EGF: variants seen among roughly 807,000 people sequenced by gnomAD.
EGF encodes the protein epidermal growth factor.
A neutral mutation model predicts 143.8 loss-of-function variants in EGF; 95 were observed. That is an observed-to-expected ratio of 0.66 (90% CI 0.56 to 0.78). The LOEUF (loss-of-function observed/expected upper bound fraction) is 0.78. Among genes scored for constraint, EGF ranks in the 30% least tolerant of loss-of-function variants. The probability of loss-of-function intolerance (pLI) is 0.00; values close to 1 mark genes in which losing one functional copy is unlikely to be tolerated. For synonymous variants in EGF, 510 were observed against 510.5 expected (o/e 1.00, Z 0.01); for missense variants, 1,320 against 1,470.9 (o/e 0.90, Z 1.68).
chr4:109,994,621 G>T (rs1325266104), intron 19 of EGF, 112 bp from the exon 20 acceptor site: 2 of 1,256,232 alleles, frequency 1.6e-6, no homozygotes, highest in Non-Finnish European at 2.3e-6. Context: ...TAGTTCTTCT[G>T]TCACTAAAAG....
At chr4:109,973,272 G>T (rs550993874) in intron 11 of EGF, among the ~76,000 whole-genome samples, 2 of 151,982 alleles carry the variant, frequency 1.3e-5, no homozygotes, top group Non-Finnish European at 2.9e-5. Context: ...TGCCTGCCTC[G>T]CCCTTTCACA....
intron 1 of EGF, among the ~76,000 whole-genome samples, chr4:109,934,973 T>C (rs1740495336): frequency 6.6e-6 from 1 of 152,114 alleles, no homozygotes; most frequent in Admixed American, 6.6e-5. Flanking sequence ...AGCCTTGTAG[T>C]GTATTTTGAA....
chr4:109,940,159 C>T (rs189684613), intron 1 of EGF, among the ~76,000 whole-genome samples: 29 of 152,222 alleles, frequency 1.9e-4, no homozygotes, highest in Non-Finnish European at 3.8e-4. Flanking sequence ...GTGGCCATCA[C>T]CTAGAACAGG....
rs140319442 is a variant in EGF, at chr4:109,994,815, C to T, written c.2940C>T (p.His980=). ...RNSDSECPLS[H]DGYCLHDGVC... is the part of the protein sequence containing the mutation. ...GTGACTCTGAATGTCCCCTGTCCCA[C>T]GATGGGTACTGCCTCCATGATGGTG... The change falls in exon 20 of 24, where the codon CAC becomes CAT. Residue 980 remains histidine (H), a synonymous_variant. Transcript: ENST00000265171. 6.8e-5 allele frequency: 109 copies of T among 1,614,146 alleles called. 1 individual carries two copies. In the African/African-American group the frequency reaches 9.5e-4, roughly 14 times the overall value.
At chr4:109,999,989 T>A in intron 21 of EGF, 143 bp downstream of exon 21, 1 of 1,269,806 alleles carries the variant, frequency 7.9e-7, no homozygotes. Context: ...CAGTGACCCA[T>A]GCCTGCAATC....
chr4:110,011,656 A>C lies in EGF; in HGVS notation c.*201A>C, dbSNP rs539507877. Reference sequence around the variant, plus strand: ...CTCACTGCAGTCTTATTTCCAAGTAAGAGTACTGGGAGAATCACTAGGTAA... The same window carrying C: ...CTCACTGCAGTCTTATTTCCAAGTACGAGTACTGGGAGAATCACTAGGTAA... On this transcript the variant is annotated 3_prime_UTR_variant, in exon 24 of 24. Transcript: ENST00000265171. The C allele has an allele frequency of 4.0e-5, 31 of 778,076 alleles. No individual in the cohort carries two copies. In the Admixed American group the frequency reaches 8.5e-4, roughly 21 times the overall value. The allele number at this position is 778,076 out of a possible 1,614,324, so 48.2% of individuals were successfully genotyped here.
Position 109,925,223 on chromosome 4 carries a change from C to A in EGF, c.127+11761C>A, listed in dbSNP as rs2298980. 0.013 allele frequency among the ~76,000 whole-genome samples: 1,991 copies of A among 152,226 alleles called. 210 individuals carry two copies. The East Asian group carries it at 0.23, about 18-fold the overall frequency. On this transcript the variant is annotated intron_variant, in intron 1 of 23. Transcript: ENST00000265171. ...AAATAATACATGAAAAACCACATGA[C>A]AACAAATTAAAATGTGTTCCTTTGT...
intron 16 of EGF, among the ~76,000 whole-genome samples, 155 bp downstream of exon 16, chr4:109,983,696 G>T (rs1749719435): frequency 6.6e-6 from 1 of 152,190 alleles, no homozygotes; most frequent in African/African-American, 2.4e-5. Context: ...TCTTCTGAAT[G>T]ATGTGCCTGA....
intron 1 of EGF, among the ~76,000 whole-genome samples, chr4:109,926,993 C>T (rs1006039930): frequency 4.6e-5 from 7 of 152,126 alleles, no homozygotes; most frequent in Non-Finnish European, 8.8e-5. Flanking sequence ...GCTTTCTAAG[C>T]TATTTTAAAA....
In EGF at chr4:109,983,652, G is replaced by A. The variant is rs557488484; in HGVS notation, c.2491+111G>A. ...TAATATTGCCTAAGTTCTACACAAG[G>A]CTAATGAAACCAAACCTTGGACTCA... On this transcript the variant is annotated intron_variant, in intron 16 of 23. Coordinates refer to ENST00000265171, the MANE Select transcript of EGF (RefSeq NM_001963.6). 2.8e-5 allele frequency: 42 copies of A among 1,484,266 alleles called. 1 individual carries two copies. The East Asian group carries it at 9.2e-4, about 33-fold the overall frequency. The allele number at this position is 1,484,266 out of a possible 1,614,324, so 91.9% of individuals were successfully genotyped here.
At position 109,912,912 on chromosome 4, in the gene EGF, G is replaced by T; in HGVS notation, c.-424G>T. On this transcript the variant is annotated 5_prime_UTR_variant, in exon 1 of 24. Transcript: ENST00000265171. ...AAGAGAAACTGTTGGGAGAGGAATCGTATCTCCATATTTCTTCTTTCAGCC... is the reference window on the plus strand; with the variant it reads ...AAGAGAAACTGTTGGGAGAGGAATCTTATCTCCATATTTCTTCTTTCAGCC... The T allele has an allele frequency of 5.3e-6, 1 of 188,554 alleles. No homozygotes were observed. The highest frequency in any genetic ancestry group is 1.1e-5 in the Non-Finnish European group (1 of 89,852). 11.7% of individuals were successfully genotyped at this position (188,554 alleles called of 1,614,324 possible).
chr4:109,984,879 A>G (rs189542756), intron 16 of EGF, among the ~76,000 whole-genome samples: 7 of 152,324 alleles, frequency 4.6e-5, no homozygotes, highest in Admixed American at 6.5e-5. Flanking sequence ...TGTGTTTAGC[A>G]ATTTATTTGG....
chr4:109,964,681 G>A (rs941743421), intron 10 of EGF, 144 bp downstream of exon 10: 1 of 1,236,614 alleles, frequency 8.1e-7, no homozygotes, highest in African/African-American at 1.5e-5. Flanking sequence ...TATAGATATT[G>A]GAGTAACACT....
intron 13 of EGF, among the ~76,000 whole-genome samples, chr4:109,979,404 G>A (rs1472917227): frequency 2.0e-5 from 3 of 152,012 alleles, no homozygotes; most frequent in African/African-American, 7.2e-5. Context: ...TGACATCAGG[G>A]GCACAGGTCA....
At chr4:110,009,883 A>G (rs991509552) in intron 23 of EGF, among the ~76,000 whole-genome samples, 1 of 152,246 alleles carries the variant, frequency 6.6e-6, no homozygotes, top group Admixed American at 6.5e-5. Context: ...GGTTAAGTGC[A>G]GAGTACATGC....
intron 18 of EGF, 139 bp downstream of exon 18, chr4:109,988,848 G>T: frequency 1.5e-6 from 2 of 1,308,780 alleles, no homozygotes; most frequent in East Asian, 2.4e-5. Context: ...TGTGCGACCT[G>T]CTCAAACTGA....
In EGF at chr4:109,945,095, C is replaced by G; in HGVS notation, c.760C>G (p.Leu254Val). The change falls in exon 5 of 24, where the codon CTT becomes GTT. Residue 254 changes from leucine (L) to valine (V), a missense_variant. Physicochemically the swap from Leu to Val is conservative, Grantham distance 32 (BLOSUM62 1). Coordinates refer to ENST00000265171, the MANE Select transcript of EGF (RefSeq NM_001963.6). The stretch of plus-strand genomic sequence containing the variant: ...TAGGCATAATTTGTTTGCAATGTCC[C>G]TTTTTGGTGACCGTATCTTCTATTC... ...PTQHNLFAMS[L>V]FGDRIFYSTW... 1.2e-6 allele frequency: 2 copies of G among 1,614,074 alleles called. No individual in the cohort carries two copies. The highest frequency in any genetic ancestry group is 2.2e-5 in the East Asian group (1 of 44,884).
intron 18 of EGF, among the ~76,000 whole-genome samples, chr4:109,992,014 G>A (rs1751001902): frequency 6.6e-6 from 1 of 151,516 alleles, no homozygotes; most frequent in African/African-American, 2.4e-5. Context: ...AAACAAACAA[G>A]CAAACAAGAA....
chr4:109,941,255 G>A, intron 2 of EGF, 110 bp downstream of exon 2: 1 of 983,624 alleles, frequency 1.0e-6, no homozygotes, highest in Non-Finnish European at 1.6e-6. Context: ...CAGTTCAAAT[G>A]CGTGTCTGCC....
Sources: allele counts gnomAD v4.1 joint callset (sites outside exome capture counted in the v4.1 genomes callset), GRCh38; gene constraint gnomAD v4.1.1; transcripts MANE v1.5; gene names NCBI Gene and HGNC (gene_info 2026-07-23, HGNC 2026-07-21).